Variants in TAFA5 observed in about 807,000 individuals in gnomAD.
TAFA5 encodes the protein TAFA chemokine like family member 5.
TAFA5 carries 6 observed loss-of-function variants against 15.3 expected under a neutral mutation model. That is an observed-to-expected ratio of 0.39 (90% CI 0.21 to 0.77). The LOEUF is 0.77. TAFA5 is among the 30% of genes least tolerant of loss of function. The probability of loss-of-function intolerance (pLI) is 0.41; values close to 1 mark genes in which losing one functional copy is unlikely to be tolerated. For missense variants in TAFA5, 161 were observed against 193.1 expected, an observed-to-expected ratio of 0.83 and a Z score of 0.98; for synonymous variants, 103 against 80.7, an observed-to-expected ratio of 1.28 and a Z score of -1.48.
At chr22:48,591,651 G>A (rs367564775) in intron 1 of TAFA5, among the ~76,000 whole-genome samples, 91 of 152,356 alleles carry the variant, frequency 6.0e-4, no homozygotes, top group Non-Finnish European at 1.0e-3. Flanking sequence ...GTGATGGGGT[G>A]ACCCAGAGCA....
At chr22:48,532,258 T>G (rs1407380173) in intron 1 of TAFA5, among the ~76,000 whole-genome samples, 1 of 152,188 alleles carries the variant, frequency 6.6e-6, no homozygotes, top group African/African-American at 2.4e-5. Flanking sequence ...CCAGCACTCT[T>G]TAGGAGATTA....
At chr22:48,722,734 A>G (rs1338072543) in intron 3 of TAFA5, among the ~76,000 whole-genome samples, 2 of 152,238 alleles carry the variant, frequency 1.3e-5, no homozygotes, top group African/African-American at 4.8e-5. Flanking sequence ...AAGTAAGATC[A>G]ACATGCAAGG....
chr22:48,616,846 C>G (rs970120916), intron 1 of TAFA5, among the ~76,000 whole-genome samples: 2 of 152,144 alleles, frequency 1.3e-5, no homozygotes, highest in African/African-American at 4.8e-5. Context: ...CCGTGGGGAC[C>G]CCTAGGGGTT....
At chr22:48,672,073 G>A (rs1193023456) in intron 2 of TAFA5, among the ~76,000 whole-genome samples, 2 of 152,222 alleles carry the variant, frequency 1.3e-5, no homozygotes. Flanking sequence ...GTAAGTGATT[G>A]AGATAATTTC....
chr22:48,630,670 C>T (rs561862534), intron 1 of TAFA5, among the ~76,000 whole-genome samples: 4 of 152,314 alleles, frequency 2.6e-5, no homozygotes, highest in African/African-American at 9.6e-5. Flanking sequence ...GCGTCCACGT[C>T]TTCACCGCCC....
At chr22:48,696,638 C>T (rs796432454) in intron 2 of TAFA5, among the ~76,000 whole-genome samples, 3 of 152,360 alleles carry the variant, frequency 2.0e-5, no homozygotes, top group African/African-American at 7.2e-5. Context: ...TGAAGGATCC[C>T]TGCAGGTGTC....
intron 1 of TAFA5, among the ~76,000 whole-genome samples, chr22:48,615,510 C>G (rs1223181970): frequency 6.6e-6 from 1 of 152,202 alleles, no homozygotes; most frequent in African/African-American, 2.4e-5. Flanking sequence ...CTCCCTGTGC[C>G]TGACTTTCAA....
intron 2 of TAFA5, among the ~76,000 whole-genome samples, chr22:48,655,599 G>A (rs117402547): frequency 2.0e-5 from 3 of 152,094 alleles, no homozygotes; most frequent in East Asian, 1.9e-4. Flanking sequence ...CCTGAACATC[G>A]GTCAAAGTGC....
chr22:48,657,981 A>G (rs1266916649), intron 2 of TAFA5, among the ~76,000 whole-genome samples: 1 of 152,216 alleles, frequency 6.6e-6, no homozygotes, highest in Non-Finnish European at 1.5e-5. Flanking sequence ...ACATATGTTA[A>G]TCAGCATCTG....
chr22:48,585,518 T>C (rs1450706478), intron 1 of TAFA5, among the ~76,000 whole-genome samples: 1 of 144,762 alleles, frequency 6.9e-6, no homozygotes, highest in East Asian at 2.1e-4. Flanking sequence ...ACAAACTAGA[T>C]ACCACACACC....
At chr22:48,683,650 C>T (rs146405610) in intron 2 of TAFA5, among the ~76,000 whole-genome samples, 6 of 152,376 alleles carry the variant, frequency 3.9e-5, no homozygotes, top group East Asian at 3.9e-4. Flanking sequence ...TTCAGTTCAA[C>T]GCTTTCTATC....
intron 1 of TAFA5, among the ~76,000 whole-genome samples, chr22:48,558,244 A>G (rs1289213818): frequency 6.6e-6 from 1 of 152,146 alleles, no homozygotes; most frequent in Non-Finnish European, 1.5e-5. Context: ...CTTATGTTCA[A>G]TTTGCTGGGA....
At chr22:48,500,707 A>G (rs1163603446) in intron 1 of TAFA5, among the ~76,000 whole-genome samples, 1 of 152,226 alleles carries the variant, frequency 6.6e-6, no homozygotes, top group Admixed American at 6.5e-5. Flanking sequence ...ACCAGTATCT[A>G]GCTCGTAGTA....
At chr22:48,600,182 A>C (rs766878699) in intron 1 of TAFA5, among the ~76,000 whole-genome samples, 15 of 152,126 alleles carry the variant, frequency 9.9e-5, no homozygotes, top group Non-Finnish European at 2.2e-4. Flanking sequence ...TGTGTCAGTG[A>C]TCCTATGCAA....
At chr22:48,651,652 G>A (rs895269836) in intron 2 of TAFA5, among the ~76,000 whole-genome samples, 4 of 152,152 alleles carry the variant, frequency 2.6e-5, no homozygotes, top group Admixed American at 6.5e-5. Flanking sequence ...CAGTAGACGC[G>A]CAGCCTTAGG....
intron 1 of TAFA5, among the ~76,000 whole-genome samples, chr22:48,577,525 T>A (rs1923858828): frequency 6.6e-6 from 1 of 152,196 alleles, no homozygotes; most frequent in African/African-American, 2.4e-5. Flanking sequence ...CTTGGTCCGC[T>A]GGGAAGGCTG....
At chr22:48,557,347 G>A (rs1444053837) in intron 1 of TAFA5, among the ~76,000 whole-genome samples, 1 of 152,168 alleles carries the variant, frequency 6.6e-6, no homozygotes, top group Admixed American at 6.5e-5. Flanking sequence ...AGAGAAGACG[G>A]CGTCCACAGG....
chr22:48,703,515 A>G (rs1012237369), intron 2 of TAFA5, among the ~76,000 whole-genome samples: 7 of 152,198 alleles, frequency 4.6e-5, no homozygotes, highest in East Asian at 1.9e-4. Flanking sequence ...CCTCAGCCCC[A>G]CAGTCCCAGT....
chr22:48,577,720 T>C (rs1476941353), intron 1 of TAFA5, among the ~76,000 whole-genome samples: 1 of 152,210 alleles, frequency 6.6e-6, no homozygotes, highest in Admixed American at 6.5e-5. Context: ...GGGCCTGGTG[T>C]CCACTTCCCT....
Sources: gnomAD v4.1 joint callset for allele counts (sites outside exome capture counted in the v4.1 genomes callset) on GRCh38, gnomAD v4.1.1 for gene constraint, MANE v1.5 for transcripts, NCBI Gene and HGNC (gene_info 2026-07-23, HGNC 2026-07-21) for gene names.